The following DEPDC1B variants were observed in gnomAD, a reference collection of about 807,000 sequenced individuals.
DEPDC1B encodes the protein DEP domain containing 1B.
Under a neutral mutation model 66.5 loss-of-function variants are expected in DEPDC1B, and 51 were observed. That is an observed-to-expected ratio of 0.77 (90% CI 0.61 to 0.97). DEPDC1B has a LOEUF of 0.97. Among genes scored for constraint, DEPDC1B ranks in the 50% least tolerant of loss-of-function variants. The pLI is 0.00. For missense variants in DEPDC1B, 552 were observed against 637.1 expected, an observed-to-expected ratio of 0.87 and a Z score of 1.44; for synonymous variants, 226 against 223.6, an observed-to-expected ratio of 1.01 and a Z score of -0.10.
intron 2 of DEPDC1B, among the ~76,000 whole-genome samples, chr5:60,680,192 T>C (rs1204718524): frequency 6.6e-6 from 1 of 152,216 alleles, no homozygotes; most frequent in Non-Finnish European, 1.5e-5. Context: ...GGTTCAACCA[T>C]GAGCACCATT....
chr5:60,660,321 G>GGAGA (rs59091677), intron 2 of DEPDC1B, among the ~76,000 whole-genome samples: 2 of 148,312 alleles, frequency 1.3e-5, no homozygotes, highest in African/African-American at 5.0e-5. Context: ...ACAAAGGGGG[G>GGAGA]GAGAGAGAGA....
chr5:60,659,445 G>T (rs2111935579), intron 2 of DEPDC1B, among the ~76,000 whole-genome samples: 1 of 152,292 alleles, frequency 6.6e-6, no homozygotes, highest in South Asian at 2.1e-4. Context: ...ACTCAGGTGT[G>T]AGGCTATCTA....
At chr5:60,615,287 C>T (rs931108786) in intron 7 of DEPDC1B, among the ~76,000 whole-genome samples, 4 of 152,048 alleles carry the variant, frequency 2.6e-5, no homozygotes, top group African/African-American at 4.8e-5. Flanking sequence ...TGGGGAGTGT[C>T]GGACAGTGGG....
chr5:60,615,504 G>A lies in DEPDC1B; in HGVS notation c.899-9648C>T, dbSNP rs549377691. 5.9e-5 allele frequency among the ~76,000 whole-genome samples: 9 copies of A among 152,312 alleles called. No individual in the cohort carries two copies. In the East Asian group the frequency reaches 1.2e-3, roughly 20 times the overall value. On this transcript the variant is annotated intron_variant, in intron 7 of 10. Coordinates refer to ENST00000265036, the MANE Select transcript of DEPDC1B (RefSeq NM_018369.3). ...ATGGCACACCAGGAGATTATATCCC[G>A]TGCCTGGCTCGGAGGGTCCTACGCC...
At chr5:60,626,893 G>T (rs1436363883) in intron 7 of DEPDC1B, among the ~76,000 whole-genome samples, 1 of 152,050 alleles carries the variant, frequency 6.6e-6, no homozygotes, top group Non-Finnish European at 1.5e-5. Flanking sequence ...ATACAGAACT[G>T]AAAGTCTTCA....
At chr5:60,613,573 T>C (rs940816767) in intron 7 of DEPDC1B, among the ~76,000 whole-genome samples, 4 of 152,144 alleles carry the variant, frequency 2.6e-5, no homozygotes, top group African/African-American at 9.7e-5. Flanking sequence ...GTCAAGGGGA[T>C]ATCATGGAAA....
intron 2 of DEPDC1B, among the ~76,000 whole-genome samples, chr5:60,673,127 A>G (rs546158847): frequency 1.3e-5 from 2 of 152,258 alleles, no homozygotes; most frequent in South Asian, 4.2e-4. Flanking sequence ...CACCCTGACC[A>G]ACCTGTCTCC....
intron 7 of DEPDC1B, among the ~76,000 whole-genome samples, chr5:60,615,688 C>A (rs148534277): frequency 2.0e-5 from 3 of 152,224 alleles, no homozygotes; most frequent in Non-Finnish European, 4.4e-5. Context: ...AGGAGGCCTG[C>A]CTGCCTCTGT....
intron 5 of DEPDC1B, among the ~76,000 whole-genome samples, 153 bp downstream of exon 5, chr5:60,644,592 T>C (rs1256010914): frequency 6.6e-6 from 1 of 152,208 alleles, no homozygotes; most frequent in Non-Finnish European, 1.5e-5. Flanking sequence ...CATTCCCTTA[T>C]TCCAAACAAT....
intron 2 of DEPDC1B, among the ~76,000 whole-genome samples, chr5:60,671,632 C>A (rs1360816395): frequency 1.3e-5 from 2 of 152,204 alleles, no homozygotes; most frequent in South Asian, 2.1e-4. Context: ...TTCATCACAG[C>A]CTATAGGCTC....
intron 1 of DEPDC1B, among the ~76,000 whole-genome samples, chr5:60,696,677 TG>T (rs1754661496): frequency 1.3e-5 from 2 of 152,238 alleles, no homozygotes; most frequent in Admixed American, 6.5e-5. Flanking sequence ...AAAACAGATT[TG>T]TTTTATGATT....
chr5:60,612,659 A>G (rs1752439944), intron 7 of DEPDC1B, among the ~76,000 whole-genome samples: 1 of 149,982 alleles, frequency 6.7e-6, no homozygotes, highest in African/African-American at 2.5e-5. Flanking sequence ...AGAAGTATTT[A>G]TAGGTGATAG....
At chr5:60,694,309 C>T (rs1003622613) in intron 1 of DEPDC1B, among the ~76,000 whole-genome samples, 1 of 152,126 alleles carries the variant, frequency 6.6e-6, no homozygotes, top group Non-Finnish European at 1.5e-5. Flanking sequence ...CAGATCTAGC[C>T]CATTCTTAAG....
intron 7 of DEPDC1B, among the ~76,000 whole-genome samples, chr5:60,621,965 G>A (rs909159147): frequency 7.9e-5 from 12 of 151,718 alleles, no homozygotes; most frequent in Non-Finnish European, 4.4e-5. Context: ...TATTGGCAAT[G>A]TAATTTATGA....
chr5:60,651,245 T>G (rs1164232708), intron 2 of DEPDC1B, among the ~76,000 whole-genome samples: 2 of 152,082 alleles, frequency 1.3e-5, no homozygotes, highest in Non-Finnish European at 2.9e-5. Context: ...AAAACTACAA[T>G]GGGCCGGCAC....
At chr5:60,638,469 A>G (rs967269781) in intron 7 of DEPDC1B, among the ~76,000 whole-genome samples, 3 of 152,216 alleles carry the variant, frequency 2.0e-5, no homozygotes, top group Non-Finnish European at 2.9e-5. Flanking sequence ...CTCTGCCAAT[A>G]AAGTTATAGT....
At position 60,687,184 on chromosome 5, in the gene DEPDC1B, C is replaced by T. The variant is rs148021233; in HGVS notation, c.92G>A (p.Arg31Gln). 2.7e-5 allele frequency: 43 copies of T among 1,613,568 alleles called. No homozygotes were observed. In the African/African-American group the frequency reaches 4.4e-4, roughly 17 times the overall value. The change falls in exon 2 of 11, where the codon CGG becomes CAG. Residue 31 changes from arginine (R) to glutamine (Q), a missense_variant. By Grantham distance (43) the Arg-to-Gln change is conservative. Coordinates refer to ENST00000265036, the MANE Select transcript of DEPDC1B (RefSeq NM_018369.3). The part of the protein sequence containing the change: ...VELFRAKMPL[R>Q]KHRCRFKSYE... The stretch of plus-strand genomic sequence containing the variant: ...GCTCTTGAAACGACAGCGATGTTTC[C>T]GTAACGGCATCTTAGCACGAAAAAG...
chr5:60,657,571 A>T (rs1371454521), intron 2 of DEPDC1B, among the ~76,000 whole-genome samples: 1 of 152,214 alleles, frequency 6.6e-6, no homozygotes, highest in Non-Finnish European at 1.5e-5. Flanking sequence ...ACTGGATACA[A>T]AATTCTTGGC....
At chr5:60,672,721 A>G (rs535151393) in intron 2 of DEPDC1B, among the ~76,000 whole-genome samples, 4 of 152,346 alleles carry the variant, frequency 2.6e-5, no homozygotes, top group African/African-American at 9.6e-5. Context: ...ATGAGGTCAC[A>G]GAGATTCAGA....
Sources: gnomAD v4.1 joint callset for allele counts (sites outside exome capture counted in the v4.1 genomes callset) on GRCh38, gnomAD v4.1.1 for gene constraint, MANE v1.5 for transcripts, NCBI Gene and HGNC (gene_info 2026-07-23, HGNC 2026-07-21) for gene names.